The following WNK1 variants were observed in gnomAD, a reference collection of about 807,000 sequenced individuals.
WNK1 encodes the protein WNK lysine deficient protein kinase 1.
Under a neutral mutation model 222.8 loss-of-function variants are expected in WNK1, and 38 were observed. The ratio of observed to expected loss-of-function variants is 0.17; its 90% confidence interval spans 0.13 to 0.22. The LOEUF (loss-of-function observed/expected upper bound fraction) is 0.22. WNK1 is among the 10% of genes least tolerant of loss of function. WNK1 has a pLI of 1.00. For missense variants in WNK1, 2,348 were observed against 2,918.4 expected, an observed-to-expected ratio of 0.80 and a Z score of 4.50; for synonymous variants, 1,090 against 1,092.9, an observed-to-expected ratio of 1.00 and a Z score of 0.05.
intron 8 of WNK1, among the ~76,000 whole-genome samples, chr12:866,382 G>A (rs1004766276): frequency 1.3e-5 from 2 of 152,150 alleles, no homozygotes; most frequent in African/African-American, 4.8e-5. Flanking sequence ...TTATGTTTTG[G>A]AGATGGAATC....
intron 4 of WNK1, among the ~76,000 whole-genome samples, chr12:831,897 A>G (rs1169997309): frequency 2.0e-5 from 3 of 151,976 alleles, no homozygotes; most frequent in Non-Finnish European, 4.4e-5. Flanking sequence ...ATTTTTTGCA[A>G]GGATACTTAA....
At chr12:794,988 G>A (rs901072166) in intron 1 of WNK1, among the ~76,000 whole-genome samples, 7 of 152,102 alleles carry the variant, frequency 4.6e-5, no homozygotes, top group African/African-American at 1.7e-4. Flanking sequence ...CTAACCTCAA[G>A]TGATCCTCCT....
chr12:844,399 G>A (rs1949863897), intron 4 of WNK1, among the ~76,000 whole-genome samples: 2 of 152,250 alleles, frequency 1.3e-5, no homozygotes, highest in South Asian at 4.1e-4. Flanking sequence ...GCCTCCCAAA[G>A]TTCTGGGATT....
At position 781,645 on chromosome 12, in the gene WNK1, A is replaced by T. The variant is rs748217599; in HGVS notation, c.759+27321A>T. On this transcript the variant is annotated intron_variant, in intron 1 of 27. Coordinates refer to ENST00000315939, the MANE Select transcript of WNK1 (RefSeq NM_018979.4). ...TTGGTCTCTTATTAATAGGCACAAT[A>T]CTGGCATTAGCTATAACACAAACCA... Among the ~76,000 whole-genome samples the T allele has an allele frequency of 5.8e-4, 89 of 152,352 alleles. 1 individual carries two copies. Among genetic ancestry groups the T allele is most frequent in the Non-Finnish European group, 1.1e-3 (77 of 68,022 alleles).
At chr12:877,704 CA>C (rs1481998469) in intron 9 of WNK1, among the ~76,000 whole-genome samples, 10 of 152,094 alleles carry the variant, frequency 6.6e-5, no homozygotes, top group African/African-American at 2.4e-4. Context: ...TCTGTTATTC[CA>C]AATCCAGTGC....
At chr12:870,285 G>T (rs1390626845) in intron 8 of WNK1, among the ~76,000 whole-genome samples, 1 of 152,092 alleles carries the variant, frequency 6.6e-6, no homozygotes, top group South Asian at 2.1e-4. Context: ...TCAAGTTGCA[G>T]CCCCTATTAT....
chr12:752,614 G>C lies in WNK1; in HGVS notation c.-952G>C, dbSNP rs1002195610. On this transcript the variant is annotated 5_prime_UTR_variant, in exon 1 of 28. Coordinates refer to ENST00000315939, the MANE Select transcript of WNK1 (RefSeq NM_018979.4). ...CGCCATTTAGCGCGGAGAGTTTCCC[G>C]GGTGGACGCGGCTCCTCTCTCGGCC... 6.6e-6 allele frequency: 1 copy of C among 152,278 alleles called. No individual in the cohort carries two copies. Among genetic ancestry groups the C allele is most frequent in the African/African-American group, 2.4e-5 (1 of 41,420 alleles). The allele number at this position is 152,278 out of a possible 1,614,324, so 9.4% of individuals were successfully genotyped here. A position where few individuals can be genotyped will look rare whatever the true frequency, so the allele number is the denominator to read the frequency against.
rs1457369557 is a variant in WNK1 at position 753,880 on chromosome 12, C to T, written c.315C>T (p.Pro105=). The T allele has an allele frequency of 6.2e-7, 1 of 1,612,144 alleles. No individual in the cohort carries two copies. The highest frequency in any genetic ancestry group is 8.5e-7 in the Non-Finnish European group (1 of 1,179,802). ...LPGLPLSLPQ[P]SIPAAVPQSA... Reference sequence around the variant, plus strand: ...GCCTTCCTCTTTCCCTGCCCCAGCCCAGCATCCCCGCGGCTGTCCCGCAGA... The same window carrying T: ...GCCTTCCTCTTTCCCTGCCCCAGCCTAGCATCCCCGCGGCTGTCCCGCAGA... Residue 105 remains proline, a synonymous_variant, in exon 1 of 28, where the codon CCC becomes CCT. Transcript: ENST00000315939. The surrounding 1 kb of genome is among the most constrained non-coding windows in gnomAD (Gnocchi z 5.2).
intron 4 of WNK1, among the ~76,000 whole-genome samples, chr12:848,798 G>C (rs550182455): frequency 5.9e-5 from 9 of 152,150 alleles, no homozygotes; most frequent in African/African-American, 1.9e-4. Context: ...TCTGTGAATG[G>C]TACTTTTGTT....
chr12:893,649 C>T (rs1201092687), intron 22 of WNK1, among the ~76,000 whole-genome samples: 1 of 151,436 alleles, frequency 6.6e-6, no homozygotes, highest in African/African-American at 2.4e-5. Context: ...CGGTGAAACC[C>T]CGTCTCTACT....
chr12:757,851 C>T (rs1462377492), intron 1 of WNK1, among the ~76,000 whole-genome samples: 2 of 146,484 alleles, frequency 1.4e-5, no homozygotes, highest in Non-Finnish European at 3.0e-5. Context: ...GCCTGGCCAA[C>T]ATGGCGAAAC....
chr12:896,843 T>C (rs908949604), intron 24 of WNK1, 111 bp downstream of exon 24: 4 of 1,240,720 alleles, frequency 3.2e-6, no homozygotes, highest in Non-Finnish European at 4.5e-6. Context: ...CTCATTTCTT[T>C]TAAAGAGACA....
At chr12:886,753 C>T (rs1953700080) in intron 19 of WNK1, among the ~76,000 whole-genome samples, 1 of 152,160 alleles carries the variant, frequency 6.6e-6, no homozygotes, top group African/African-American at 2.4e-5. Flanking sequence ...AATCTTCACT[C>T]AGATAAAATA....
At chr12:854,568 G>T (rs968552474) in intron 4 of WNK1, among the ~76,000 whole-genome samples, 2 of 151,708 alleles carry the variant, frequency 1.3e-5, no homozygotes, top group Admixed American at 1.3e-4. Context: ...AGGCTGTCTT[G>T]CACTCCTGAC....
intron 23 of WNK1, among the ~76,000 whole-genome samples, chr12:895,599 C>G (rs149652018): frequency 6.6e-6 from 1 of 152,096 alleles, no homozygotes; most frequent in Non-Finnish European, 1.5e-5. Context: ...GCTGGGATTA[C>G]AGGCACACGC....
chr12:903,288 T>G (rs1229181105), intron 26 of WNK1, among the ~76,000 whole-genome samples: 1 of 152,210 alleles, frequency 6.6e-6, no homozygotes, highest in Non-Finnish European at 1.5e-5. Flanking sequence ...GTGGAAGGCA[T>G]TACCCAATTC....
intron 8 of WNK1, chr12:868,063 T>G (rs1951829388): frequency 6.2e-7 from 1 of 1,613,892 alleles, no homozygotes; most frequent in Admixed American, 1.7e-5. Flanking sequence ...TGCTGAGGAC[T>G]GTTGGCCAAA....
chr12:872,367 T>C (rs1952233692), intron 9 of WNK1, among the ~76,000 whole-genome samples: 1 of 152,182 alleles, frequency 6.6e-6, no homozygotes, highest in East Asian at 1.9e-4. Flanking sequence ...CAGGCTGGTC[T>C]TGAACTCCTG....
chr12:755,916 A>T (rs1053402834), intron 1 of WNK1, among the ~76,000 whole-genome samples: 1 of 152,280 alleles, frequency 6.6e-6, no homozygotes, highest in Non-Finnish European at 1.5e-5. Flanking sequence ...TGGAGGTTGC[A>T]GTGAGCGGAG....
Sources: gnomAD v4.1 joint callset for allele counts (sites outside exome capture counted in the v4.1 genomes callset) on GRCh38, gnomAD v4.1.1 for gene constraint, Gnocchi (gnomAD v3.1) non-coding constraint, MANE v1.5 for transcripts, NCBI Gene and HGNC (gene_info 2026-07-23, HGNC 2026-07-21) for gene names.